Variants in CPNE8 observed in about 807,000 individuals in gnomAD.
CPNE8 encodes the protein copine-8.
Under a neutral mutation model 81.5 loss-of-function variants are expected in CPNE8, and 45 were observed. The ratio of observed to expected loss-of-function variants is 0.55; its 90% CI spans 0.44 to 0.71. The LOEUF (loss-of-function observed/expected upper bound fraction) is 0.71. CPNE8 is among the 30% of genes least tolerant of loss of function. The probability of loss-of-function intolerance (pLI) is 0.00; values close to 1 mark genes in which losing one functional copy is unlikely to be tolerated. For missense variants in CPNE8, 594 were observed against 672.1 expected, an observed-to-expected ratio of 0.88 and a Z score of 1.28; for synonymous variants, 252 against 226.3, an observed-to-expected ratio of 1.11 and a Z score of -1.02.
chr12:38,665,726 C>T (rs1036250316), intron 19 of CPNE8, among the ~76,000 whole-genome samples: 1 of 152,268 alleles, frequency 6.6e-6, no homozygotes, highest in Admixed American at 6.5e-5. Context: ...CTGCCTTATA[C>T]ACAATGGCCA....
At chr12:38,711,258 C>A (rs1347696089) in intron 13 of CPNE8, among the ~76,000 whole-genome samples, 2 of 152,132 alleles carry the variant, frequency 1.3e-5, no homozygotes, top group African/African-American at 4.8e-5. Flanking sequence ...TGTAACCAAG[C>A]AACATAACTA....
intron 13 of CPNE8, among the ~76,000 whole-genome samples, chr12:38,704,257 A>G (rs1940028754): frequency 6.6e-6 from 1 of 152,278 alleles, no homozygotes; most frequent in East Asian, 1.9e-4. Context: ...ATCTAAAATA[A>G]AAGTTGGAAA....
chr12:38,863,358 G>C (rs1033245249), intron 3 of CPNE8, among the ~76,000 whole-genome samples: 2 of 152,170 alleles, frequency 1.3e-5, no homozygotes, highest in Admixed American at 6.5e-5. Context: ...GAAATGTCCA[G>C]ACTCAGAATG....
At chr12:38,894,719 T>C (rs75606821) in intron 1 of CPNE8, among the ~76,000 whole-genome samples, 7,120 of 147,672 alleles carry the variant, frequency 0.048, 593 homozygotes, top group African/African-American at 0.17. Flanking sequence ...CTCATATTCT[T>C]TACTTATAGC....
intron 10 of CPNE8, among the ~76,000 whole-genome samples, chr12:38,760,435 G>GTATATATATATATATA (rs139244982): frequency 0.019 from 2,378 of 127,092 alleles, 45 homozygotes; most frequent in Middle Eastern, 0.024. Flanking sequence ...TGTATGGTGT[G>GTATATATATATATATA]TATATATATA....
intron 10 of CPNE8, among the ~76,000 whole-genome samples, chr12:38,756,039 C>CAAA (rs60851774): frequency 1.6e-4 from 13 of 82,360 alleles, no homozygotes; most frequent in East Asian, 6.2e-4. Context: ...GACTCCGTCT[C>CAAA]AAAAAAAAAA....
At chr12:38,794,575 A>C (rs993658839) in intron 6 of CPNE8, among the ~76,000 whole-genome samples, 1 of 152,142 alleles carries the variant, frequency 6.6e-6, no homozygotes, top group African/African-American at 2.4e-5. Flanking sequence ...AATCATTAAG[A>C]AATGGAAATC....
chr12:38,815,709 A>G (rs1412656591), intron 6 of CPNE8, among the ~76,000 whole-genome samples: 1 of 152,156 alleles, frequency 6.6e-6, no homozygotes, highest in Non-Finnish European at 1.5e-5. Flanking sequence ...TCCATCTGTT[A>G]CCCGGTAATT....
chr12:38,879,845 TA>T (rs900293902), intron 1 of CPNE8, among the ~76,000 whole-genome samples: 2 of 150,608 alleles, frequency 1.3e-5, no homozygotes, highest in South Asian at 2.1e-4. Flanking sequence ...TCTAATTCAA[TA>T]AAAAAAAACA....
intron 3 of CPNE8, among the ~76,000 whole-genome samples, chr12:38,866,374 T>C (rs1477376325): frequency 2.6e-5 from 4 of 152,088 alleles, no homozygotes; most frequent in Non-Finnish European, 5.9e-5. Flanking sequence ...CAAAACAAAA[T>C]AAAAATATTC....
At position 38,748,589 on chromosome 12, in the gene CPNE8, C is replaced by G. The variant is rs543419405; in HGVS notation, c.722+12258G>C. Among the ~76,000 whole-genome samples, 74 of 151,874 alleles carry G rather than the reference C, an allele frequency of 4.9e-4. 3 individuals carry two copies. In the Middle Eastern group the frequency reaches 0.024, roughly 50 times the overall value. Reference sequence around the variant, plus strand: ...GATCGCAGCTCACTGCAAGCTCTGCCTCCCTGGTTCATGCCATTCTCCTGC... The same window carrying G: ...GATCGCAGCTCACTGCAAGCTCTGCGTCCCTGGTTCATGCCATTCTCCTGC... On this transcript the variant is annotated intron_variant, in intron 10 of 19. Coordinates refer to ENST00000331366, the MANE Select transcript of CPNE8 (RefSeq NM_153634.3).
At chr12:38,851,556 C>A (rs1273948722) in intron 3 of CPNE8, among the ~76,000 whole-genome samples, 1 of 152,212 alleles carries the variant, frequency 6.6e-6, no homozygotes, top group Non-Finnish European at 1.5e-5. Context: ...TGCCTCACAG[C>A]TGTTTACTTC....
rs959533407 is a variant in CPNE8, at chr12:38,870,663, A to T, written c.186+2341T>A. ...GTCGGCGGGTGGGGGGCTAGGGGAG[A>T]AATAGCATTAGGAGAAATACCTAAT... On this transcript the variant is annotated intron_variant, in intron 3 of 19. Transcript: ENST00000331366. Among the ~76,000 whole-genome samples, 50 of 152,068 alleles carry T rather than the reference A, an allele frequency of 3.3e-4. 1 individual carries two copies. Among genetic ancestry groups the T allele is most frequent in the Admixed American group, 2.0e-4 (3 of 15,258 alleles).
At chr12:38,869,634 G>A (rs1356761977) in intron 3 of CPNE8, among the ~76,000 whole-genome samples, 3 of 151,968 alleles carry the variant, frequency 2.0e-5, no homozygotes, top group East Asian at 1.9e-4. Flanking sequence ...CTTGCATTTC[G>A]CACTTCCTTT....
At position 38,902,405 on chromosome 12, in the gene CPNE8, A is replaced by AAG. The variant is rs1328886048; in HGVS notation, c.98+3030_98+3031dup. 5.9e-4 allele frequency among the ~76,000 whole-genome samples: 84 copies of AAG among 141,374 alleles called. 3 individuals carry two copies. Among genetic ancestry groups the AAG allele is most frequent in the African/African-American group, 2.4e-3 (79 of 32,860 alleles). 92.7% of individuals were successfully genotyped at this position (141,374 alleles called of 152,430 possible). A position where few individuals can be genotyped will look rare whatever the true frequency, so the allele number is the denominator to read the frequency against. On this transcript the variant is annotated intron_variant, in intron 1 of 19. Coordinates refer to ENST00000331366, the MANE Select transcript of CPNE8 (RefSeq NM_153634.3). The stretch of plus-strand genomic sequence containing the variant: ...GAAAAGAAAGAAAGAGAAAGAAAGA[A>AAG]AGAAAGAAAGAAAAAGAAAGAAAGA...
Position 38,654,002 on chromosome 12 carries a change from T to C in CPNE8, c.1575A>G (p.Lys525=), listed in dbSNP as rs1938762945. The part of the protein sequence containing the change: ...NHILSMARLA[K]DVLAEIPEQF... ...GCTCAGGGATCTCAGCTAGGACATC[T>C]TTAGCCAATCTAGCCATGCTCAGTA... The change falls in exon 20 of 20, where the codon AAA becomes AAG. Residue 525 remains lysine, a synonymous_variant. Coordinates refer to ENST00000331366, the MANE Select transcript of CPNE8 (RefSeq NM_153634.3). 11 of 1,613,638 alleles carry C rather than the reference T, an allele frequency of 6.8e-6. No individual in the cohort carries two copies. The African/African-American group carries it at 8.0e-5, about 12-fold the overall frequency.
chr12:38,793,918 G>A (rs1942390670), intron 6 of CPNE8, among the ~76,000 whole-genome samples: 1 of 151,980 alleles, frequency 6.6e-6, no homozygotes, highest in Admixed American at 6.6e-5. Flanking sequence ...ACACCCTAAT[G>A]TACATGATAA....
intron 10 of CPNE8, among the ~76,000 whole-genome samples, 173 bp downstream of exon 10, chr12:38,760,674 A>G (rs1227068218): frequency 6.6e-6 from 1 of 152,034 alleles, no homozygotes; most frequent in East Asian, 1.9e-4. Context: ...TTTCATCTCG[A>G]GGTTGGAGAA....
intron 6 of CPNE8, among the ~76,000 whole-genome samples, chr12:38,799,899 C>A (rs945415883): frequency 6.6e-6 from 1 of 151,864 alleles, no homozygotes; most frequent in African/African-American, 2.4e-5. Context: ...GTGTGACTGA[C>A]GCACCTGGAA....
Sources: allele counts gnomAD v4.1 joint callset (sites outside exome capture counted in the v4.1 genomes callset), GRCh38; gene constraint gnomAD v4.1.1; transcripts MANE v1.5; gene names NCBI Gene and HGNC (gene_info 2026-07-23, HGNC 2026-07-21).